Variants in SOX6 observed in about 807,000 individuals in gnomAD.
The protein encoded by SOX6 is transcription factor SOX-6.
Under a neutral mutation model 97.8 loss-of-function variants are expected in SOX6, and 11 were observed. The observed-to-expected ratio is 0.11, with a 90% confidence interval of 0.07 to 0.19. The LOEUF (loss-of-function observed/expected upper bound fraction) is 0.19, where lower values mean the gene tolerates loss of function less well. Ranked by LOEUF, SOX6 falls within the 10% of genes least tolerant of loss-of-function variation. The pLI is 1.00. For missense variants in SOX6, 810 were observed against 1,039.5 expected (o/e 0.78, Z 3.04); for synonymous variants, 360 against 371.4 (o/e 0.97, Z 0.35).
chr11:16,347,059 A>G (rs1856793002), intron 1 of SOX6, among the ~76,000 whole-genome samples: 1 of 152,098 alleles, frequency 6.6e-6, no homozygotes, highest in African/African-American at 2.4e-5. Context: ...TAGAGCTCAT[A>G]TGTCTTGGAA....
At chr11:16,109,786 C>T (rs1849184604) in intron 7 of SOX6, among the ~76,000 whole-genome samples, 1 of 152,136 alleles carries the variant, frequency 6.6e-6, no homozygotes, top group Admixed American at 6.6e-5. Context: ...AATTGTCTGA[C>T]ATAATTTAGG....
intron 3 of SOX6, among the ~76,000 whole-genome samples, chr11:16,706,005 G>C (rs535627658): frequency 6.6e-5 from 10 of 152,186 alleles, no homozygotes; most frequent in Admixed American, 6.5e-4. Flanking sequence ...CTAGCTATAA[G>C]TGGATTCAAC....
At chr11:16,529,356 G>T (rs1861208661) in intron 4 of SOX6, among the ~76,000 whole-genome samples, 1 of 152,026 alleles carries the variant, frequency 6.6e-6, no homozygotes, top group Non-Finnish European at 1.5e-5. Context: ...GAGTGATACA[G>T]TACATTACTA....
chr11:16,152,285 G>A (rs1850479274), intron 6 of SOX6, among the ~76,000 whole-genome samples: 3 of 152,112 alleles, frequency 2.0e-5, no homozygotes, highest in Admixed American at 1.3e-4. Flanking sequence ...CACCACAAAT[G>A]TTTTCCTTCA....
intron 4 of SOX6, among the ~76,000 whole-genome samples, chr11:16,524,682 A>G (rs959737701): frequency 1.3e-5 from 2 of 152,178 alleles, no homozygotes; most frequent in Non-Finnish European, 2.9e-5. Flanking sequence ...GGAAAAGAGG[A>G]AGTCAAATTG....
intron 1 of SOX6, among the ~76,000 whole-genome samples, chr11:16,349,154 A>G (rs1244663047): frequency 2.0e-5 from 3 of 152,202 alleles, no homozygotes; most frequent in African/African-American, 7.2e-5. Flanking sequence ...AACAAACTGC[A>G]TTTTAAAAGC....
chr11:16,478,258 AG>A (rs1860289052), upstream of SOX6, among the ~76,000 whole-genome samples: 1 of 152,218 alleles, frequency 6.6e-6, no homozygotes, highest in South Asian at 2.1e-4. Context: ...CTTTTTTAAA[AG>A]CATTAATTGG....
chr11:16,137,736 TATAATCCCTACGTGCC>T lies in SOX6; in HGVS notation c.778-25829_778-25814del, dbSNP rs576092522. Reference sequence around the variant, plus strand: ...AAATCTCATCCTGAATTGTAGTTCCTATAATCCCTACGTGCCATGAGAGGGACCAGGTGGAGATAAT... The same window carrying T: ...AAATCTCATCCTGAATTGTAGTTCCTATGAGAGGGACCAGGTGGAGATAAT... On this transcript the variant is annotated intron_variant, in intron 6 of 15. Transcript: ENST00000683767. Among the ~76,000 whole-genome samples the T allele has an allele frequency of 5.7e-3, 869 of 152,328 alleles. 4 individuals are homozygous for T. The highest frequency in any genetic ancestry group is 0.031 in the Middle Eastern group (9 of 294).
intron 1 of SOX6, among the ~76,000 whole-genome samples, chr11:16,443,678 T>G (rs1038903956): frequency 6.6e-6 from 1 of 152,278 alleles, no homozygotes. Flanking sequence ...GCTACCCTGA[T>G]AGTGAGCATA....
intron 1 of SOX6, among the ~76,000 whole-genome samples, chr11:16,349,711 AGG>A (rs1856875749): frequency 5.1e-5 from 2 of 39,516 alleles, no homozygotes; most frequent in African/African-American, 1.5e-4. Context: ...GAAGGAAGGA[AGG>A]AAGAAGGAAG....
intron 1 of SOX6, among the ~76,000 whole-genome samples, chr11:16,462,180 T>C (rs1821569698): frequency 6.6e-6 from 1 of 152,240 alleles, no homozygotes; most frequent in Non-Finnish European, 1.5e-5. Context: ...GATTAACCAC[T>C]GGTTATACCA....
intron 1 of SOX6, among the ~76,000 whole-genome samples, chr11:16,342,431 T>C (rs1565101703): frequency 6.6e-6 from 1 of 151,950 alleles, no homozygotes. Flanking sequence ...CATACCATTT[T>C]TTAAAAAATG....
intron 6 of SOX6, among the ~76,000 whole-genome samples, chr11:16,148,370 C>T (rs183510435): frequency 6.6e-4 from 100 of 152,242 alleles, no homozygotes; most frequent in Middle Eastern, 6.8e-3. Flanking sequence ...ACAGACCCTG[C>T]TCTGTTGTCT....
At chr11:16,256,356 A>C (rs1853685149) in intron 3 of SOX6, among the ~76,000 whole-genome samples, 1 of 151,992 alleles carries the variant, frequency 6.6e-6, no homozygotes, top group South Asian at 2.1e-4. Flanking sequence ...ATATACCACA[A>C]TCAAGTGGGA....
At chr11:16,662,534 T>A (rs1847773531) in intron 3 of SOX6, among the ~76,000 whole-genome samples, 1 of 152,062 alleles carries the variant, frequency 6.6e-6, no homozygotes, top group Admixed American at 6.5e-5. Context: ...CAATATAATA[T>A]TTTTAAAAAG....
chr11:16,521,864 G>T (rs1342932665), intron 4 of SOX6, among the ~76,000 whole-genome samples: 1 of 152,164 alleles, frequency 6.6e-6, no homozygotes, highest in Non-Finnish European at 1.5e-5. Context: ...TGATCAACTG[G>T]AAGAAAGGGT....
At position 16,411,282 on chromosome 11, in the gene SOX6, G is replaced by C. The variant is rs1047078671; in HGVS notation, c.-5+65033C>G. ...AGGTTAATTGGCTTTTTCAGTTTTG[G>C]CTTGATTTTAAAATTGTTCTAATGA... On this transcript the variant is annotated intron_variant, in intron 1 of 15. Transcript: ENST00000396356. Among the ~76,000 whole-genome samples the C allele has an allele frequency of 5.3e-5, 8 of 152,140 alleles. No individual in the cohort carries two copies. The East Asian group carries it at 9.7e-4, about 18-fold the overall frequency.
At chr11:15,990,183 C>T (rs10766291) in intron 13 of SOX6, among the ~76,000 whole-genome samples, 64,432 of 151,464 alleles carry the variant, frequency 0.43, 14,129 homozygotes, top group East Asian at 0.64. Flanking sequence ...CTCAGGAATA[C>T]GAGATACCTA....
intron 4 of SOX6, among the ~76,000 whole-genome samples, chr11:16,574,519 G>A (rs985533988): frequency 6.6e-6 from 1 of 152,054 alleles, no homozygotes; most frequent in East Asian, 1.9e-4. Context: ...AGTCACTGGA[G>A]ATTATCTTTA....
Sources: allele counts gnomAD v4.1 joint callset (sites outside exome capture counted in the v4.1 genomes callset), GRCh38; gene constraint gnomAD v4.1.1; transcripts MANE v1.5; gene names NCBI Gene and HGNC (gene_info 2026-07-23, HGNC 2026-07-21).